Variants in ZBTB20 observed in about 807,000 individuals in gnomAD.
ZBTB20 encodes zinc finger and BTB domain-containing protein 20.
ZBTB20 carries 9 observed loss-of-function variants against 56.9 expected under a neutral mutation model. That is an observed-to-expected ratio of 0.16 (90% CI 0.10 to 0.28). The LOEUF (loss-of-function observed/expected upper bound fraction) is 0.28. Among genes scored for constraint, ZBTB20 ranks in the 10% least tolerant of loss-of-function variants. The probability of loss-of-function intolerance (pLI) is 1.00; values close to 1 mark genes in which losing one functional copy is unlikely to be tolerated. For missense variants in ZBTB20, 655 were observed against 1,003.0 expected, an observed-to-expected ratio of 0.65 and a Z score of 4.69; for synonymous variants, 417 against 420.7, an observed-to-expected ratio of 0.99 and a Z score of 0.11.
intron 7 of ZBTB20, among the ~76,000 whole-genome samples, chr3:114,438,451 C>G (rs112513007): frequency 7.0e-6 from 1 of 142,096 alleles, no homozygotes; most frequent in East Asian, 2.1e-4. Context: ...AAAAACAAAA[C>G]AAAACTTGGC....
At chr3:114,630,452 T>C (rs956740777) in intron 6 of ZBTB20, among the ~76,000 whole-genome samples, 2 of 152,174 alleles carry the variant, frequency 1.3e-5, no homozygotes, top group Admixed American at 1.3e-4. Context: ...AATTGCCCAA[T>C]GTGTGTGTAC....
intron 4 of ZBTB20, among the ~76,000 whole-genome samples, chr3:114,819,124 T>C (rs1056333612): frequency 2.2e-4 from 34 of 151,862 alleles, no homozygotes; most frequent in African/African-American, 8.2e-4. Context: ...AAATGAAATA[T>C]AGGCAATTAA....
intron 2 of ZBTB20, among the ~76,000 whole-genome samples, chr3:114,983,662 C>A (rs991275944): frequency 2.0e-5 from 3 of 151,956 alleles, no homozygotes; most frequent in African/African-American, 7.2e-5. Flanking sequence ...AAGGCATAGA[C>A]TTTTGCCTAT....
chr3:114,752,703 G>A (rs2067661835), intron 5 of ZBTB20, among the ~76,000 whole-genome samples: 1 of 152,064 alleles, frequency 6.6e-6, no homozygotes, highest in African/African-American at 2.4e-5. Context: ...AACTCCTGCT[G>A]GGAAGCCTTT....
chr3:114,644,423 G>A (rs1247251963), intron 6 of ZBTB20, among the ~76,000 whole-genome samples: 1 of 152,036 alleles, frequency 6.6e-6, no homozygotes, highest in Non-Finnish European at 1.5e-5. Context: ...TTATGTTATG[G>A]TTCATTTATA....
At chr3:114,592,950 T>A (rs1024246779) in intron 6 of ZBTB20, among the ~76,000 whole-genome samples, 1 of 152,318 alleles carries the variant, frequency 6.6e-6, no homozygotes, top group East Asian at 1.9e-4. Flanking sequence ...CTTCTGGGCA[T>A]ATAAATGGTT....
chr3:114,892,339 T>G (rs2076845469), intron 4 of ZBTB20, among the ~76,000 whole-genome samples: 1 of 152,186 alleles, frequency 6.6e-6, no homozygotes, highest in Non-Finnish European at 1.5e-5. Flanking sequence ...ATAAATTTGG[T>G]GCATTCATTT....
intron 4 of ZBTB20, among the ~76,000 whole-genome samples, chr3:114,807,086 C>T (rs911864486): frequency 1.3e-5 from 2 of 151,806 alleles, no homozygotes; most frequent in Admixed American, 6.6e-5. Flanking sequence ...TTTGCATATT[C>T]GTGTAAATTT....
intron 4 of ZBTB20, among the ~76,000 whole-genome samples, chr3:114,873,676 A>G (rs1303083980): frequency 6.6e-6 from 1 of 152,118 alleles, no homozygotes; most frequent in Non-Finnish European, 1.5e-5. Flanking sequence ...TCTTTGTCTT[A>G]GTTTTGGGGG....
chr3:115,142,529 C>T (rs1347313311), intron 1 of ZBTB20, among the ~76,000 whole-genome samples: 3 of 151,920 alleles, frequency 2.0e-5, no homozygotes, highest in Non-Finnish European at 4.4e-5. Context: ...TAGGACGTGG[C>T]TGTGCGCGCC....
At position 114,747,933 on chromosome 3, in the gene ZBTB20, A is replaced by AAAAAAAAAC. The variant is rs2067177505; in HGVS notation, c.-343+53167_-343+53168insGTTTTTTTT. ...CTCCGTCTCAAAAAAAAAAAAAAAA[A>AAAAAAAAAC]AAAAAAAAAAAAAAAAACCAAGATT... On this transcript the variant is annotated intron_variant, in intron 5 of 11. Coordinates refer to ENST00000675478, the MANE Select transcript of ZBTB20 (RefSeq NM_001348800.3). 9.4e-4 allele frequency among the ~76,000 whole-genome samples: 2 copies of AAAAAAAAAC among 2,136 alleles called. 1 individual carries two copies. Among genetic ancestry groups the AAAAAAAAAC allele is most frequent in the Admixed American group, 0.077 (2 of 26 alleles). 1.4% of individuals were successfully genotyped at this position (2,136 alleles called of 152,430 possible). A position where few individuals can be genotyped will look rare whatever the true frequency, so the allele number is the denominator to read the frequency against.
chr3:114,976,776 C>T (rs1051838657), intron 2 of ZBTB20, among the ~76,000 whole-genome samples: 2 of 151,852 alleles, frequency 1.3e-5, no homozygotes, highest in Admixed American at 1.3e-4. Context: ...TTATGTTTCC[C>T]CACTAGATTA....
At chr3:115,028,084 C>T (rs2080500452) in intron 2 of ZBTB20, among the ~76,000 whole-genome samples, 1 of 150,746 alleles carries the variant, frequency 6.6e-6, no homozygotes, top group African/African-American at 2.4e-5. Flanking sequence ...GTATTATTAA[C>T]TATAGTCATC....
At chr3:114,631,711 A>G (rs957464965) in intron 6 of ZBTB20, among the ~76,000 whole-genome samples, 5 of 152,120 alleles carry the variant, frequency 3.3e-5, no homozygotes, top group African/African-American at 7.2e-5. Context: ...ACTGTTTTTC[A>G]GAAAAATACA....
chr3:114,356,154 G>A (rs749121318), intron 10 of ZBTB20: 4 of 152,198 alleles, frequency 2.6e-5, no homozygotes, highest in Non-Finnish European at 4.4e-5. Flanking sequence ...TTCTGCGAGA[G>A]CACAACACAG....
chr3:114,349,357 C>G (rs2080455342), intron 11 of ZBTB20, among the ~76,000 whole-genome samples: 1 of 152,150 alleles, frequency 6.6e-6, no homozygotes, highest in African/African-American at 2.4e-5. Context: ...AATTCCATAT[C>G]TCTGTACCAC....
chr3:114,872,101 A>G (rs2076035989), intron 4 of ZBTB20, among the ~76,000 whole-genome samples: 1 of 152,160 alleles, frequency 6.6e-6, no homozygotes, highest in African/African-American at 2.4e-5. Flanking sequence ...CCCAATATCT[A>G]TTCCATGAGC....
chr3:114,770,194 A>G (rs1338355337), intron 5 of ZBTB20, among the ~76,000 whole-genome samples: 1 of 151,518 alleles, frequency 6.6e-6, no homozygotes, highest in Non-Finnish European at 1.5e-5. Context: ...ACAAATCGCC[A>G]CTAAAGAACT....
intron 6 of ZBTB20, among the ~76,000 whole-genome samples, chr3:114,515,485 C>T (rs923298674): frequency 6.6e-6 from 1 of 152,168 alleles, no homozygotes; most frequent in Non-Finnish European, 1.5e-5. Flanking sequence ...ATTACGGTTT[C>T]CAGCATAAGT....
Sources: gnomAD v4.1 joint callset for allele counts (sites outside exome capture counted in the v4.1 genomes callset) on GRCh38, gnomAD v4.1.1 for gene constraint, MANE v1.5 for transcripts, NCBI Gene and HGNC (gene_info 2026-07-23, HGNC 2026-07-21) for gene names.